The following DGKG variants were observed in gnomAD, a reference collection of about 807,000 sequenced individuals.
DGKG encodes the protein diacylglycerol kinase gamma, also known as DAG kinase gamma.
DGKG carries 78 observed loss-of-function variants against 105.3 expected under a neutral mutation model. The observed-to-expected ratio is 0.74, with a 90% confidence interval of 0.62 to 0.89. DGKG has a LOEUF of 0.89. Ranked by LOEUF, DGKG falls within the 40% of genes least tolerant of loss-of-function variation. The pLI is 0.00. For synonymous variants in DGKG, 346 were observed against 367.1 expected (o/e 0.94, Z 0.66); for missense variants, 958 against 1,020.1 (o/e 0.94, Z 0.83).
chr3:186,255,154 T>C (rs1372274940), intron 17 of DGKG, among the ~76,000 whole-genome samples: 2 of 152,238 alleles, frequency 1.3e-5, no homozygotes, highest in African/African-American at 2.4e-5. Context: ...CCTGAATGTA[T>C]TGTAACCTCC....
Position 186,180,754 on chromosome 3 carries a change from C to T in DGKG, c.2095+7448G>A, listed in dbSNP as rs578011923. 1.6e-3 allele frequency among the ~76,000 whole-genome samples: 249 copies of T among 152,266 alleles called. 1 individual carries two copies. Among genetic ancestry groups the T allele is most frequent in the African/African-American group, 5.6e-3 (233 of 41,550 alleles). On this transcript the variant is annotated intron_variant, in intron 22 of 24. Transcript: ENST00000265022. ...GAACTCGTGCTCACAATTATTTTGG[C>T]GTCTCAGCTGATCTCTAGTTCCTCA...
intron 5 of DGKG, among the ~76,000 whole-genome samples, chr3:186,292,419 T>G (rs1447249729): frequency 2.0e-5 from 3 of 152,148 alleles, no homozygotes; most frequent in Admixed American, 6.5e-5. Context: ...AAAGAGGGGA[T>G]TGCATTAAAA....
chr3:186,245,443 C>T (rs1182676133), intron 19 of DGKG, among the ~76,000 whole-genome samples: 1 of 152,150 alleles, frequency 6.6e-6, no homozygotes, highest in Non-Finnish European at 1.5e-5. Context: ...CAGGCAATGA[C>T]CTGAGCATAT....
intron 11 of DGKG, among the ~76,000 whole-genome samples, chr3:186,269,421 C>T (rs1295505284): frequency 6.6e-6 from 1 of 152,188 alleles, no homozygotes; most frequent in Non-Finnish European, 1.5e-5. Context: ...GAAGTCCCAC[C>T]TCTGGGGTTA....
intron 20 of DGKG, among the ~76,000 whole-genome samples, chr3:186,238,396 T>C (rs1720521200): frequency 6.6e-6 from 1 of 152,016 alleles, no homozygotes; most frequent in African/African-American, 2.4e-5. Context: ...TTCTTACATA[T>C]TATACGACTT....
chr3:186,170,878 T>A (rs1292959660), intron 22 of DGKG, among the ~76,000 whole-genome samples: 2 of 152,206 alleles, frequency 1.3e-5, no homozygotes, highest in Non-Finnish European at 2.9e-5. Flanking sequence ...CCTGTAAAAG[T>A]CAGAACTCCA....
intron 20 of DGKG, among the ~76,000 whole-genome samples, chr3:186,212,923 G>A (rs1173053689): frequency 6.6e-6 from 1 of 152,200 alleles, no homozygotes; most frequent in Non-Finnish European, 1.5e-5. Flanking sequence ...GTTTGCAGAT[G>A]AAGGGGAAAG....
At chr3:186,331,465 A>G (rs1725600492) in intron 1 of DGKG, among the ~76,000 whole-genome samples, 1 of 152,234 alleles carries the variant, frequency 6.6e-6, no homozygotes, top group Non-Finnish European at 1.5e-5. Context: ...CATAAACACA[A>G]AAGTCTTGGG....
intron 22 of DGKG, among the ~76,000 whole-genome samples, chr3:186,183,508 G>A (rs1204172764): frequency 6.6e-6 from 1 of 151,910 alleles, no homozygotes; most frequent in South Asian, 2.1e-4. Context: ...CTTTCTTGGG[G>A]GGGGGCGGGG....
rs34286105 is a variant in DGKG, at chr3:186,312,122, C to CAAAAAAAAAAAA, written c.68-5157_68-5146dup. Among the ~76,000 whole-genome samples the CAAAAAAAAAAAA allele has an allele frequency of 2.3e-4, 4 of 17,472 alleles. 1 individual carries two copies. Among genetic ancestry groups the CAAAAAAAAAAAA allele is most frequent in the African/African-American group, 5.9e-4 (1 of 1,706 alleles). 11.5% of individuals were successfully genotyped at this position (17,472 alleles called of 152,430 possible). On this transcript the variant is annotated intron_variant, in intron 2 of 24. Transcript: ENST00000265022. The stretch of plus-strand genomic sequence containing the variant: ...TGGGCGACAGAGCGAGACTCCGTCT[C>CAAAAAAAAAAAA]AAAAAAAAAAAAAAAAAAAAAAAAA...
intron 1 of DGKG, among the ~76,000 whole-genome samples, chr3:186,345,622 A>C (rs1041055135): frequency 6.6e-6 from 1 of 152,050 alleles, no homozygotes; most frequent in African/African-American, 2.4e-5. Context: ...AGAATATTTT[A>C]TTTTCACTGT....
At chr3:186,154,409 G>A (rs1241642057) in intron 24 of DGKG, among the ~76,000 whole-genome samples, 2 of 152,062 alleles carry the variant, frequency 1.3e-5, no homozygotes, top group African/African-American at 2.4e-5. Flanking sequence ...TTGGGAGGCC[G>A]AGGTGGGGCA....
At position 186,161,596 on chromosome 3, in the gene DGKG, G is replaced by A. The variant is rs761067653; in HGVS notation, c.2277+7C>T. On this transcript the variant is annotated splice_region_variant and intron_variant, in intron 24 of 24. Coordinates refer to ENST00000265022, the MANE Select transcript of DGKG (RefSeq NM_001346.3). The stretch of plus-strand genomic sequence containing the variant: ...TCATCCCCATCTCAAAGATTGGCAA[G>A]ACTCACCGTGCAACATGGCTGCATC... 5.7e-5 allele frequency: 92 copies of A among 1,614,068 alleles called. No individual in the cohort carries two copies. The highest frequency in any genetic ancestry group is 7.7e-5 in the Non-Finnish European group (91 of 1,180,028).
chr3:186,187,798 G>A (rs1717715430), intron 22 of DGKG, among the ~76,000 whole-genome samples: 3 of 152,170 alleles, frequency 2.0e-5, no homozygotes, highest in Admixed American at 2.0e-4. Flanking sequence ...AAAACCATGA[G>A]CAAATCAAGT....
At chr3:186,168,292 A>G (rs1213782121) in intron 22 of DGKG, among the ~76,000 whole-genome samples, 1 of 152,200 alleles carries the variant, frequency 6.6e-6, no homozygotes, top group Non-Finnish European at 1.5e-5. Flanking sequence ...TAGAGCTAGG[A>G]CTTTCAATAC....
At position 186,320,485 on chromosome 3, in the gene DGKG, A is replaced by C; in HGVS notation, c.-26T>G. 2 of 1,614,160 alleles carry C rather than the reference A, an allele frequency of 1.2e-6. No homozygotes were observed. Among genetic ancestry groups the C allele is most frequent in the Non-Finnish European group, 8.5e-7 (1 of 1,180,016 alleles). ...TTTTAAACTTTATGTGAGTGGCTAA[A>C]GGGCAGTGATGGAGTTTTGTTCACT... On this transcript the variant is annotated 5_prime_UTR_variant, in exon 2 of 25. Transcript: ENST00000265022.
intron 21 of DGKG, among the ~76,000 whole-genome samples, chr3:186,190,463 C>G (rs1717851855): frequency 6.6e-6 from 1 of 152,144 alleles, no homozygotes; most frequent in Admixed American, 6.5e-5. Context: ...AGATGACGTG[C>G]AAAGCTCATG....
At chr3:186,197,869 C>T (rs1212288414) in intron 21 of DGKG, among the ~76,000 whole-genome samples, 49 of 152,310 alleles carry the variant, frequency 3.2e-4, no homozygotes, top group Admixed American at 3.1e-3. Context: ...AAAGCTTTCT[C>T]CTCTATGAGG....
chr3:186,292,574 A>G (rs1578786340), intron 5 of DGKG, among the ~76,000 whole-genome samples: 2 of 152,188 alleles, frequency 1.3e-5, no homozygotes, highest in Non-Finnish European at 1.5e-5. Flanking sequence ...TGGGTGGATC[A>G]CCTGAGGTCA....
Sources: allele counts gnomAD v4.1 joint callset (sites outside exome capture counted in the v4.1 genomes callset), GRCh38; gene constraint gnomAD v4.1.1; transcripts MANE v1.5; gene names NCBI Gene and HGNC (gene_info 2026-07-23, HGNC 2026-07-21).